UBR1: variants seen among roughly 807,000 people sequenced by gnomAD.
The protein encoded by UBR1 is ubiquitin protein ligase E3 component n-recognin 1.
UBR1 carries 102 observed loss-of-function variants against 242.1 expected under a neutral mutation model. The ratio of observed to expected loss-of-function variants is 0.42; its 90% CI spans 0.36 to 0.50. UBR1 has a LOEUF of 0.50. Among genes scored for constraint, UBR1 ranks in the 20% least tolerant of loss-of-function variants. The pLI, the probability that UBR1 is intolerant of heterozygous loss-of-function variation, is 0.01. For missense variants in UBR1, 1,772 were observed against 2,101.8 expected, an observed-to-expected ratio of 0.84 and a Z score of 3.07; for synonymous variants, 675 against 684.8, an observed-to-expected ratio of 0.99 and a Z score of 0.22.
intron 39 of UBR1, among the ~76,000 whole-genome samples, chr15:42,973,217 C>A (rs1368752598): frequency 6.6e-6 from 1 of 152,192 alleles, no homozygotes; most frequent in African/African-American, 2.4e-5. Context: ...AGGGTAGTCT[C>A]AAACTCCTGG....
chr15:43,021,932 T>C (rs1314090878), intron 26 of UBR1, among the ~76,000 whole-genome samples: 1 of 152,218 alleles, frequency 6.6e-6, no homozygotes, highest in Non-Finnish European at 1.5e-5. Context: ...TAAAAATGAC[T>C]TTAAGTCTCT....
chr15:43,071,599 G>A (rs2033826272), intron 4 of UBR1, among the ~76,000 whole-genome samples: 1 of 151,896 alleles, frequency 6.6e-6, no homozygotes. Flanking sequence ...CTTAAAAACG[G>A]TTAAGATGAT....
chr15:42,966,931 A>AT (rs1396937235), intron 40 of UBR1, among the ~76,000 whole-genome samples: 1 of 151,864 alleles, frequency 6.6e-6, no homozygotes, highest in Non-Finnish European at 1.5e-5. Context: ...TATTATTATT[A>AT]TTTTTTGAGA....
Position 43,007,282 on chromosome 15 carries a change from G to A in UBR1, c.3212C>T (p.Thr1071Ile). 6.2e-7 allele frequency: 1 copy of A among 1,614,052 alleles called. No individual in the cohort carries two copies. Among genetic ancestry groups the A allele is most frequent in the Non-Finnish European group, 8.5e-7 (1 of 1,179,970 alleles). ...KEDSIMEEES[T>I]PAVSDYSRIA... Reference sequence around the variant, plus strand: ...TCTAGAGTAGTCACTGACTGCTGGGGTGCTACCAAAAGAAATGATCAGAAA... The same window carrying A: ...TCTAGAGTAGTCACTGACTGCTGGGATGCTACCAAAAGAAATGATCAGAAA... The change falls in exon 30 of 47, where the codon ACC becomes ATC. Residue 1071 changes from threonine (T) to isoleucine (I), a missense_variant and splice_region_variant. Transcript: ENST00000290650.
At chr15:42,955,180 A>G (rs2031898978) in intron 44 of UBR1, among the ~76,000 whole-genome samples, 1 of 152,100 alleles carries the variant, frequency 6.6e-6, no homozygotes, top group Non-Finnish European at 1.5e-5. Flanking sequence ...ACAAAACAAA[A>G]CAAAACAAAA....
At chr15:43,092,115 T>C (rs1021379870) in intron 1 of UBR1, 1 of 412,434 alleles carries the variant, frequency 2.4e-6, no homozygotes, top group Non-Finnish European at 4.9e-6. Flanking sequence ...TCTTGGCTGA[T>C]TTAGGCAGAA....
intron 33 of UBR1, among the ~76,000 whole-genome samples, chr15:42,994,439 A>C (rs1322979875): frequency 1.3e-5 from 2 of 151,818 alleles, no homozygotes; most frequent in African/African-American, 2.4e-5. Flanking sequence ...TATATTCTCC[A>C]ATAGGAACAA....
chr15:43,092,030 G>A (rs761217046), intron 1 of UBR1: 1 of 454,798 alleles, frequency 2.2e-6, no homozygotes, highest in Non-Finnish European at 4.4e-6. Context: ...AGGTCAGTGA[G>A]CGGAGATCAT....
At chr15:43,084,508 G>C (rs1203020527) in intron 2 of UBR1, among the ~76,000 whole-genome samples, 1 of 152,204 alleles carries the variant, frequency 6.6e-6, no homozygotes. Context: ...CCAGGCTGGA[G>C]TGCAGTGGCA....
At chr15:43,026,698 G>A (rs1567130053) in intron 22 of UBR1, 35 bp from the exon 23 acceptor site, 1 of 1,521,494 alleles carries the variant, frequency 6.6e-7, no homozygotes, top group East Asian at 2.3e-5. Context: ...GAACTGCAGT[G>A]TTCTTGAAGT....
chr15:43,003,951 G>A, intron 30 of UBR1, 21 bp from the exon 31 acceptor site: 1 of 1,606,254 alleles, frequency 6.2e-7, no homozygotes, highest in Non-Finnish European at 8.5e-7. Flanking sequence ...GTATAAAAAG[G>A]AGGGAAAAAG....
rs371437765 is a variant in UBR1 at position 43,013,947 on chromosome 15, T to C, written c.3209+1741A>G. 3.3e-5 allele frequency among the ~76,000 whole-genome samples: 5 copies of C among 151,970 alleles called. No individual in the cohort carries two copies. The East Asian group carries it at 9.7e-4, about 29-fold the overall frequency. On this transcript the variant is annotated intron_variant, in intron 29 of 46. Transcript: ENST00000290650. Reference sequence around the variant, plus strand: ...CTGATGCCGAGCTGAAGCTGGACTGTACTGCTGCCATCTCGGCTCACTGCA... The same window carrying C: ...CTGATGCCGAGCTGAAGCTGGACTGCACTGCTGCCATCTCGGCTCACTGCA...
At chr15:43,012,732 C>T (rs1230483854) in intron 29 of UBR1, among the ~76,000 whole-genome samples, 1 of 152,134 alleles carries the variant, frequency 6.6e-6, no homozygotes, top group East Asian at 1.9e-4. Flanking sequence ...AGTTTTATTA[C>T]CCTATAGTCA....
At chr15:43,088,624 T>C (rs2034067775) in intron 1 of UBR1, among the ~76,000 whole-genome samples, 2 of 151,916 alleles carry the variant, frequency 1.3e-5, no homozygotes, top group South Asian at 4.1e-4. Flanking sequence ...GCCTCCCAAG[T>C]AGCTGGGTTT....
At chr15:43,065,429 G>C (rs2033740459) in intron 6 of UBR1, among the ~76,000 whole-genome samples, 2 of 152,004 alleles carry the variant, frequency 1.3e-5, no homozygotes, top group African/African-American at 4.8e-5. Context: ...CGTGTGCCAT[G>C]GTGGTCTGCC....
intron 1 of UBR1, among the ~76,000 whole-genome samples, chr15:43,104,178 T>G (rs1202492658): frequency 2.0e-5 from 3 of 152,182 alleles, no homozygotes; most frequent in Non-Finnish European, 4.4e-5. Flanking sequence ...TCTAATAATA[T>G]TTCCTGAGGT....
At chr15:43,021,657 G>A (rs1201059933) in intron 26 of UBR1, among the ~76,000 whole-genome samples, 2 of 152,138 alleles carry the variant, frequency 1.3e-5, no homozygotes, top group African/African-American at 2.4e-5. Flanking sequence ...GTCTGTACAT[G>A]TTCAGTACAG....
At chr15:42,982,215 T>A (rs1405699155) in intron 37 of UBR1, among the ~76,000 whole-genome samples, 1 of 152,198 alleles carries the variant, frequency 6.6e-6, no homozygotes, top group African/African-American at 2.4e-5. Flanking sequence ...GTTTAACAAG[T>A]GCAAAAGCAG....
chr15:43,027,027 T>C (rs932250450), intron 22 of UBR1, among the ~76,000 whole-genome samples: 25 of 152,104 alleles, frequency 1.6e-4, no homozygotes, highest in Non-Finnish European at 1.9e-4. Context: ...AGACACTTCA[T>C]TGTCTAAGGT....
Sources: allele counts gnomAD v4.1 joint callset (sites outside exome capture counted in the v4.1 genomes callset), GRCh38; gene constraint gnomAD v4.1.1; transcripts MANE v1.5; gene names NCBI Gene and HGNC (gene_info 2026-07-23, HGNC 2026-07-21).